Variants in LRBA observed in about 807,000 individuals in gnomAD.
The protein encoded by LRBA is lipopolysaccharide-responsive and beige-like anchor protein.
In LRBA, 176 loss-of-function variants were observed where a neutral mutation model predicts 330.0. The ratio of observed to expected loss-of-function variants is 0.53; its 90% CI spans 0.47 to 0.60. The LOEUF (loss-of-function observed/expected upper bound fraction) is 0.60. Among genes scored for constraint, LRBA ranks in the 20% least tolerant of loss-of-function variants. The probability of loss-of-function intolerance (pLI) is 0.00; values close to 1 mark genes in which losing one functional copy is unlikely to be tolerated. For missense variants in LRBA, 3,259 were observed against 3,444.8 expected, an observed-to-expected ratio of 0.95 and a Z score of 1.35; for synonymous variants, 1,230 against 1,193.0, an observed-to-expected ratio of 1.03 and a Z score of -0.64.
chr4:150,414,749 C>T (rs1747491232), intron 47 of LRBA, among the ~76,000 whole-genome samples: 1 of 152,128 alleles, frequency 6.6e-6, no homozygotes, highest in African/African-American at 2.4e-5. Flanking sequence ...CCTTGGCCTC[C>T]CAAAGTGCTG....
chr4:150,395,311 T>C (rs2151915879), intron 47 of LRBA, among the ~76,000 whole-genome samples: 1 of 152,282 alleles, frequency 6.6e-6, no homozygotes, highest in African/African-American at 2.4e-5. Flanking sequence ...CTATTTCAAT[T>C]GTTAGTATGA....
At chr4:150,541,893 C>T (rs1003728238) in intron 40 of LRBA, among the ~76,000 whole-genome samples, 1 of 152,070 alleles carries the variant, frequency 6.6e-6, no homozygotes, top group African/African-American at 2.4e-5. Flanking sequence ...GTATGTTGCC[C>T]AACCTGGTCT....
intron 2 of LRBA, among the ~76,000 whole-genome samples, chr4:150,978,679 A>G (rs1032680949): frequency 1.3e-5 from 2 of 152,222 alleles, no homozygotes; most frequent in African/African-American, 4.8e-5. Flanking sequence ...ATTTAACAAA[A>G]AAGATGAAAT....
At chr4:150,287,981 G>A (rs984227433) in intron 53 of LRBA, among the ~76,000 whole-genome samples, 2 of 151,012 alleles carry the variant, frequency 1.3e-5, no homozygotes, top group East Asian at 4.0e-4. Context: ...GCTTCTGTTA[G>A]GATCCACAAA....
intron 26 of LRBA, among the ~76,000 whole-genome samples, chr4:150,845,752 G>T (rs1230668606): frequency 1.3e-5 from 2 of 152,158 alleles, no homozygotes; most frequent in Admixed American, 1.3e-4. Flanking sequence ...CAAGAGGAGG[G>T]AAGAGAGAAT....
intron 44 of LRBA, among the ~76,000 whole-genome samples, chr4:150,441,617 T>G (rs571024608): frequency 1.3e-5 from 2 of 152,134 alleles, no homozygotes; most frequent in South Asian, 4.1e-4. Context: ...CCAGCTTACA[T>G]TTTGTAATTT....
intron 48 of LRBA, among the ~76,000 whole-genome samples, chr4:150,348,985 TG>T (rs1158116635): frequency 6.6e-6 from 1 of 152,166 alleles, no homozygotes; most frequent in East Asian, 1.9e-4. Flanking sequence ...TAAGAGTTTA[TG>T]TGACCCAATT....
rs1057302622 is a variant in LRBA, at chr4:150,778,233, G to A, written c.5581-16386C>T. Reference sequence around the variant, plus strand: ...ATAGTAAAATAGAATACTGCCCTTCGGAAAGTTTTGGTTTCCCTTATTTTT... The same window carrying A: ...ATAGTAAAATAGAATACTGCCCTTCAGAAAGTTTTGGTTTCCCTTATTTTT... On this transcript the variant is annotated intron_variant, in intron 34 of 56. Coordinates refer to ENST00000651943, the MANE Select transcript of LRBA (RefSeq NM_001364905.1). Among the ~76,000 whole-genome samples the A allele has an allele frequency of 5.3e-5, 8 of 151,964 alleles. No homozygotes were observed. The South Asian group carries it at 1.5e-3, about 28-fold the overall frequency.
intron 22 of LRBA, among the ~76,000 whole-genome samples, chr4:150,859,107 G>A (rs917001570): frequency 7.9e-5 from 12 of 151,956 alleles, no homozygotes; most frequent in African/African-American, 2.9e-4. Context: ...TATTTCATCA[G>A]TAAACAGCAA....
At chr4:150,363,413 T>C (rs1266315395) in intron 47 of LRBA, among the ~76,000 whole-genome samples, 1 of 152,204 alleles carries the variant, frequency 6.6e-6, no homozygotes, top group Non-Finnish European at 1.5e-5. Context: ...TCTCTACACA[T>C]AATGTTAAAT....
intron 22 of LRBA, among the ~76,000 whole-genome samples, chr4:150,863,546 C>G (rs980264823): frequency 6.6e-6 from 1 of 152,130 alleles, no homozygotes; most frequent in African/African-American, 2.4e-5. Flanking sequence ...ACTGTAATCC[C>G]AGATACTCGG....
chr4:150,375,665 A>G (rs1741205979), intron 47 of LRBA, among the ~76,000 whole-genome samples: 2 of 149,068 alleles, frequency 1.3e-5, no homozygotes, highest in African/African-American at 4.9e-5. Context: ...GGATTTCACC[A>G]TGTTGGCCTC....
In LRBA at chr4:150,598,916, A is replaced by G. The variant is rs947233968; in HGVS notation, c.6046+91T>C. On this transcript the variant is annotated intron_variant, in intron 38 of 56. Coordinates refer to ENST00000651943, the MANE Select transcript of LRBA (RefSeq NM_001364905.1). ...CAACCATAAAATGTGGTGTTGGACC[A>G]TTTTACAGTGCCTTGTAATAATGAA... The G allele has an allele frequency of 8.0e-6, 12 of 1,497,294 alleles. No individual in the cohort carries two copies. In the African/African-American group the frequency reaches 1.7e-4, roughly 21 times the overall value. The allele number at this position is 1,497,294 out of a possible 1,614,324, so 92.8% of individuals were successfully genotyped here.
chr4:150,595,142 T>A (rs1406878379), intron 38 of LRBA, among the ~76,000 whole-genome samples: 3 of 152,012 alleles, frequency 2.0e-5, no homozygotes, highest in Non-Finnish European at 4.4e-5. Context: ...ACATAAAGAA[T>A]ATCTTATAAT....
chr4:150,770,145 T>C (rs1222585629), intron 34 of LRBA, among the ~76,000 whole-genome samples: 1 of 152,160 alleles, frequency 6.6e-6, no homozygotes. Context: ...CTGTTTCTGT[T>C]GGGAAAGACA....
chr4:150,571,422 C>T (rs77274548), intron 40 of LRBA, among the ~76,000 whole-genome samples: 20,900 of 151,850 alleles, frequency 0.14, 1,471 homozygotes, highest in Middle Eastern at 0.17. Context: ...CAAAAGGTAA[C>T]TAATTCAAGG....
intron 30 of LRBA, 60 bp from the exon 31 acceptor site, chr4:150,817,317 T>C (rs1422686304): frequency 1.3e-6 from 2 of 1,491,496 alleles, no homozygotes; most frequent in East Asian, 4.5e-5. Flanking sequence ...ATTAATTACA[T>C]GAATTTCAAA....
chr4:150,850,133 GCC>G (rs780949552), intron 24 of LRBA, among the ~76,000 whole-genome samples: 2 of 147,114 alleles, frequency 1.4e-5, no homozygotes, highest in East Asian at 4.0e-4. Context: ...TCGCTCTGTC[GCC>G]CAGGCCGGAG....
chr4:150,716,049 C>T (rs1241371561), intron 36 of LRBA, among the ~76,000 whole-genome samples: 2 of 152,102 alleles, frequency 1.3e-5, no homozygotes, highest in Non-Finnish European at 2.9e-5. Context: ...AAACAAACAT[C>T]GTGTGGTGGT....
Sources: allele counts gnomAD v4.1 joint callset (sites outside exome capture counted in the v4.1 genomes callset), GRCh38; gene constraint gnomAD v4.1.1; transcripts MANE v1.5; gene names NCBI Gene and HGNC (gene_info 2026-07-23, HGNC 2026-07-21).